The following GALNT13 variants were observed in gnomAD, a reference collection of about 807,000 sequenced individuals.
GALNT13 encodes UDP-GalNAc:polypeptide N-acetylgalactosaminyltransferase 13.
In GALNT13, 28 loss-of-function variants were observed where a neutral mutation model predicts 64.2. The observed-to-expected ratio is 0.44, with a 90% CI of 0.32 to 0.60. GALNT13 has a LOEUF of 0.60. GALNT13 is among the 20% of genes least tolerant of loss of function. The pLI is 0.05. For missense variants in GALNT13, 577 were observed against 669.8 expected (o/e 0.86, Z 1.53); for synonymous variants, 214 against 224.6 (o/e 0.95, Z 0.42).
chr2:153,911,413 T>C (rs990404696), intron 2 of GALNT13, among the ~76,000 whole-genome samples: 30 of 152,118 alleles, frequency 2.0e-4, no homozygotes, highest in African/African-American at 7.2e-4. Flanking sequence ...TTATATTCAA[T>C]GTTAGCATTG....
the GALNT13 span, among the ~76,000 whole-genome samples, chr2:153,566,348 G>GTTTTGTT: frequency 0.12 from 9,048 of 74,554 alleles, 925 homozygotes; most frequent in East Asian, 0.24. Context: ...TTCTAATCAC[G>GTTTTGTT]TTTTTTTTTT....
At chr2:153,571,392 A>G in the GALNT13 span, among the ~76,000 whole-genome samples, 1 of 152,064 alleles carries the variant, frequency 6.6e-6, no homozygotes, top group Non-Finnish European at 1.5e-5. Flanking sequence ...AAGATCATAT[A>G]ATCTGCAAAC....
chr2:153,200,069 T>C, the GALNT13 span, among the ~76,000 whole-genome samples: 1 of 152,120 alleles, frequency 6.6e-6, no homozygotes, highest in African/African-American at 2.4e-5. Flanking sequence ...CCACATGCCA[T>C]AGGAGTAGAC....
the GALNT13 span, among the ~76,000 whole-genome samples, chr2:153,508,808 GCT>G: frequency 6.6e-6 from 1 of 152,194 alleles, no homozygotes; most frequent in African/African-American, 2.4e-5. Flanking sequence ...TCCGCAGGCT[GCT>G]CTGTCTCCCA....
chr2:154,347,285 T>C (rs1696122823), intron 9 of GALNT13, among the ~76,000 whole-genome samples: 1 of 152,164 alleles, frequency 6.6e-6, no homozygotes, highest in Non-Finnish European at 1.5e-5. Flanking sequence ...AGTATATTGA[T>C]TATCAATTCA....
At chr2:153,282,650 A>G in the GALNT13 span, among the ~76,000 whole-genome samples, 1 of 152,154 alleles carries the variant, frequency 6.6e-6, no homozygotes, top group Non-Finnish European at 1.5e-5. Flanking sequence ...TCCTGGGCTC[A>G]AGCAGTTTGC....
intron 3 of GALNT13, among the ~76,000 whole-genome samples, chr2:153,967,826 G>T (rs1295077576): frequency 1.3e-5 from 2 of 152,078 alleles, no homozygotes; most frequent in South Asian, 4.1e-4. Flanking sequence ...CTGAGACTTG[G>T]TCCAACCTGT....
the GALNT13 span, among the ~76,000 whole-genome samples, chr2:153,393,217 G>A: frequency 3.3e-5 from 5 of 151,606 alleles, no homozygotes; most frequent in East Asian, 3.9e-4. Flanking sequence ...TAGACCAATC[G>A]ACTAATCTTA....
chr2:154,291,308 A>G (rs1476341871), intron 8 of GALNT13, among the ~76,000 whole-genome samples: 1 of 152,158 alleles, frequency 6.6e-6, no homozygotes. Flanking sequence ...AGCTAGACAC[A>G]GAGCACTGAT....
At chr2:153,843,260 C>T in the GALNT13 span, among the ~76,000 whole-genome samples, 1 of 152,098 alleles carries the variant, frequency 6.6e-6, no homozygotes, top group Non-Finnish European at 1.5e-5. Context: ...AGGAAGCTTA[C>T]AATAATGGCA....
chr2:154,447,269 A>G (rs1429779135), intron 12 of GALNT13, among the ~76,000 whole-genome samples: 2 of 152,064 alleles, frequency 1.3e-5, no homozygotes, highest in Middle Eastern at 3.4e-3. Flanking sequence ...TTAAAACACT[A>G]AGCAAACACA....
the GALNT13 span, among the ~76,000 whole-genome samples, chr2:153,202,698 C>T: frequency 2.6e-5 from 4 of 151,920 alleles, no homozygotes; most frequent in Non-Finnish European, 4.4e-5. Context: ...TTGTTTTACC[C>T]GAATTTATAA....
chr2:153,158,991 A>T, the GALNT13 span: 1 of 159,546 alleles, frequency 6.3e-6, no homozygotes, highest in Non-Finnish European at 1.4e-5. Context: ...CTCCCTGAAG[A>T]AGGCAGCCCT....
chr2:153,089,957 T>A, the GALNT13 span, among the ~76,000 whole-genome samples: 2 of 152,182 alleles, frequency 1.3e-5, no homozygotes, highest in African/African-American at 4.8e-5. Context: ...TCATCTTGGT[T>A]TGGATCCATT....
the GALNT13 span, among the ~76,000 whole-genome samples, chr2:153,515,220 C>T: frequency 2.0e-5 from 3 of 152,144 alleles, no homozygotes; most frequent in African/African-American, 7.2e-5. Flanking sequence ...GTGTAAATCA[C>T]TTGATAGGTC....
chr2:154,444,062 G>A (rs1701440490), intron 12 of GALNT13, among the ~76,000 whole-genome samples: 1 of 152,094 alleles, frequency 6.6e-6, no homozygotes, highest in South Asian at 2.1e-4. Flanking sequence ...TAATATAGCT[G>A]GATGTAGTGG....
intron 8 of GALNT13, among the ~76,000 whole-genome samples, chr2:154,284,624 G>C (rs1009516894): frequency 6.6e-6 from 1 of 151,374 alleles, no homozygotes; most frequent in African/African-American, 2.4e-5. Context: ...TCTGTATCTT[G>C]GCTATTCTGA....
the GALNT13 span, among the ~76,000 whole-genome samples, chr2:153,713,733 C>T: frequency 6.6e-6 from 1 of 152,242 alleles, no homozygotes; most frequent in Non-Finnish European, 1.5e-5. Flanking sequence ...ATCCACCTTC[C>T]TTGGCCTCCC....
At chr2:154,260,122 G>A (rs1690614619) in intron 8 of GALNT13, among the ~76,000 whole-genome samples, 1 of 151,868 alleles carries the variant, frequency 6.6e-6, no homozygotes, top group Admixed American at 6.6e-5. Context: ...CTGAGCTCAA[G>A]CAATCCACCC....
Sources: allele counts gnomAD v4.1 joint callset (sites outside exome capture counted in the v4.1 genomes callset), GRCh38; gene constraint gnomAD v4.1.1; transcripts MANE v1.5; gene names NCBI Gene and HGNC (gene_info 2026-07-23, HGNC 2026-07-21).